CSMD2: variants seen among roughly 807,000 people sequenced by gnomAD.
CSMD2 encodes the protein CUB and sushi domain-containing protein 2.
In CSMD2, 130 loss-of-function variants were observed where a neutral mutation model predicts 398.5. The ratio of observed to expected loss-of-function variants is 0.33; its 90% CI spans 0.28 to 0.38. CSMD2 has a LOEUF of 0.38. CSMD2 is among the 10% of genes least tolerant of loss of function. The pLI, the probability that CSMD2 is intolerant of heterozygous loss-of-function variation, is 1.00. For missense variants in CSMD2, 3,829 were observed against 4,764.9 expected, an observed-to-expected ratio of 0.80 and a Z score of 5.78; for synonymous variants, 1,828 against 1,908.5, an observed-to-expected ratio of 0.96 and a Z score of 1.10.
intron 56 of CSMD2, among the ~76,000 whole-genome samples, chr1:33,549,381 C>A (rs1030257338): frequency 6.6e-6 from 1 of 152,172 alleles, no homozygotes. Flanking sequence ...TTCCTAGGGC[C>A]AGGCAGGTCC....
chr1:34,104,084 T>C (rs2148421335), intron 1 of CSMD2, among the ~76,000 whole-genome samples: 1 of 152,350 alleles, frequency 6.6e-6, no homozygotes, highest in Admixed American at 6.5e-5. Flanking sequence ...AAACACCACC[T>C]AATCTTTCAG....
chr1:33,793,425 C>T (rs1654567981), intron 10 of CSMD2, among the ~76,000 whole-genome samples: 1 of 152,098 alleles, frequency 6.6e-6, no homozygotes, highest in Non-Finnish European at 1.5e-5. Context: ...GTGTCTGTTG[C>T]TAGCAGATCT....
chr1:33,663,298 G>A (rs1201564237), intron 25 of CSMD2, among the ~76,000 whole-genome samples: 6 of 152,194 alleles, frequency 3.9e-5, no homozygotes, highest in Admixed American at 3.9e-4. Flanking sequence ...CTCCAGCAAT[G>A]GGGACAAGGG....
At chr1:33,677,402 C>T (rs1159142657) in intron 25 of CSMD2, among the ~76,000 whole-genome samples, 1 of 152,130 alleles carries the variant, frequency 6.6e-6, no homozygotes, top group Non-Finnish European at 1.5e-5. Context: ...AAATCAAAAC[C>T]ACAATGAGAT....
chr1:34,004,174 A>C (rs1646987814), intron 3 of CSMD2, among the ~76,000 whole-genome samples: 1 of 152,224 alleles, frequency 6.6e-6, no homozygotes, highest in African/African-American at 2.4e-5. Flanking sequence ...ATGTGAATCC[A>C]AAGCTCCCAG....
intron 5 of CSMD2, among the ~76,000 whole-genome samples, chr1:33,888,874 TCTC>T (rs1220752705): frequency 6.6e-6 from 1 of 151,966 alleles, no homozygotes; most frequent in Admixed American, 6.6e-5. Flanking sequence ...TACATGCCAT[TCTC>T]CTGCCTCAGC....
chr1:33,994,553 T>C (rs1646666157), intron 3 of CSMD2, among the ~76,000 whole-genome samples: 1 of 152,238 alleles, frequency 6.6e-6, no homozygotes, highest in Middle Eastern at 3.2e-3. Context: ...TACTTATTTT[T>C]GTTTTTCATT....
chr1:33,825,788 A>G lies in CSMD2; in HGVS notation c.1034-14T>C. Reference sequence around the variant, plus strand: ...TTTGCTTCTTGACTAGAGAGGAGGTAAGAGGAAAAACAATGTGAGTTGTTG... The same window carrying G: ...TTTGCTTCTTGACTAGAGAGGAGGTGAGAGGAAAAACAATGTGAGTTGTTG... On this transcript the variant is annotated splice_polypyrimidine_tract_variant and intron_variant, in intron 6 of 70. Transcript: ENST00000373381. 1 of 1,610,002 alleles carries G rather than the reference A, an allele frequency of 6.2e-7. No individual in the cohort carries two copies.
intron 9 of CSMD2, among the ~76,000 whole-genome samples, chr1:33,818,320 C>T (rs529987632): frequency 1.1e-4 from 17 of 152,286 alleles, no homozygotes; most frequent in African/African-American, 3.9e-4. Context: ...TACTGAGTAC[C>T]TGCTACATGC....
intron 1 of CSMD2, among the ~76,000 whole-genome samples, chr1:34,144,137 T>G (rs771147): frequency 0.72 from 108,957 of 152,122 alleles, 41,606 homozygotes; most frequent in Non-Finnish European, 0.84. Context: ...CTGTCTGGTA[T>G]CTACAGCTGA....
intron 42 of CSMD2, among the ~76,000 whole-genome samples, chr1:33,604,867 G>A (rs1437403858): frequency 2.0e-5 from 3 of 152,186 alleles, no homozygotes; most frequent in Admixed American, 1.3e-4. Flanking sequence ...GAGCAAGAGA[G>A]TTCTTATAAA....
At chr1:33,771,383 C>A (rs989005436) in intron 13 of CSMD2, among the ~76,000 whole-genome samples, 19 of 152,174 alleles carry the variant, frequency 1.2e-4, no homozygotes, top group African/African-American at 4.6e-4. Flanking sequence ...TATATTCTAA[C>A]CACAGTGGGG....
intron 41 of CSMD2, among the ~76,000 whole-genome samples, chr1:33,609,069 C>T (rs1015718375): frequency 3.3e-5 from 5 of 152,206 alleles, no homozygotes; most frequent in African/African-American, 1.2e-4. Flanking sequence ...GCAAGGCTGG[C>T]CTCTGTGATG....
At chr1:33,986,382 T>C (rs1646360717) in intron 3 of CSMD2, among the ~76,000 whole-genome samples, 1 of 152,198 alleles carries the variant, frequency 6.6e-6, no homozygotes, top group Non-Finnish European at 1.5e-5. Context: ...CGTAACATCC[T>C]TGGCATAGCA....
At chr1:33,584,059 T>C (rs1268993917) in intron 46 of CSMD2, among the ~76,000 whole-genome samples, 1 of 152,178 alleles carries the variant, frequency 6.6e-6, no homozygotes, top group African/African-American at 2.4e-5. Flanking sequence ...TTGGTTGGAA[T>C]CACTTCCTAG....
intron 1 of CSMD2, among the ~76,000 whole-genome samples, chr1:34,113,379 C>T (rs1307500142): frequency 6.6e-6 from 1 of 152,242 alleles, no homozygotes; most frequent in Non-Finnish European, 1.5e-5. Flanking sequence ...CCTCTCAAAA[C>T]ATGTCTAACC....
chr1:33,713,844 A>G (rs1164779975), intron 21 of CSMD2, among the ~76,000 whole-genome samples: 1 of 152,206 alleles, frequency 6.6e-6, no homozygotes, highest in Non-Finnish European at 1.5e-5. Flanking sequence ...TGACCATGAT[A>G]AAAGAGCAAC....
At chr1:34,078,179 T>G (rs1386343239) in intron 2 of CSMD2, among the ~76,000 whole-genome samples, 1 of 151,642 alleles carries the variant, frequency 6.6e-6, no homozygotes. Context: ...CCCCAGGTGA[T>G]GCAGGCAGAG....
chr1:34,016,283 G>A (rs531739358), intron 3 of CSMD2, among the ~76,000 whole-genome samples: 6 of 152,028 alleles, frequency 3.9e-5, no homozygotes, highest in Middle Eastern at 3.4e-3. Flanking sequence ...TTAGGTATTT[G>A]TCCTAATGCT....
Sources: allele counts gnomAD v4.1 joint callset (sites outside exome capture counted in the v4.1 genomes callset), GRCh38; gene constraint gnomAD v4.1.1; transcripts MANE v1.5; gene names NCBI Gene and HGNC (gene_info 2026-07-23, HGNC 2026-07-21).